The following GPM6A variants were observed in gnomAD, a reference collection of about 807,000 sequenced individuals.
GPM6A encodes the protein neuronal membrane glycoprotein M6-a.
In GPM6A, 7 loss-of-function variants were observed where a neutral mutation model predicts 32.1. That is an observed-to-expected ratio of 0.22 (90% CI 0.12 to 0.41). The LOEUF (loss-of-function observed/expected upper bound fraction) is 0.41. Among genes scored for constraint, GPM6A ranks in the 10% least tolerant of loss-of-function variants. GPM6A has a pLI of 1.00. For synonymous variants in GPM6A, 130 were observed against 123.4 expected (o/e 1.05, Z -0.35); for missense variants, 235 against 347.2 (o/e 0.68, Z 2.57).
In GPM6A at chr4:175,633,221, C is replaced by T. The variant is rs953065103; in HGVS notation, c.*1684G>A. The T allele has an allele frequency of 1.3e-5, 2 of 152,336 alleles. No individual in the cohort carries two copies. Among genetic ancestry groups the T allele is most frequent in the African/African-American group, 4.8e-5 (2 of 41,376 alleles). 9.4% of individuals were successfully genotyped at this position (152,336 alleles called of 1,614,324 possible). On this transcript the variant is annotated 3_prime_UTR_variant, in exon 7 of 7. Coordinates refer to ENST00000393658, the MANE Select transcript of GPM6A (RefSeq NM_201591.3). ...CTATAATATAGAATTTAAAGAAGCC[C>T]ATTAATACTTTTGCTGAATATCTGT... is the stretch of plus-strand genomic sequence containing the variant.
At chr4:175,870,176 T>C (rs1240871869) in intron 1 of GPM6A, among the ~76,000 whole-genome samples, 1 of 152,240 alleles carries the variant, frequency 6.6e-6, no homozygotes, top group Non-Finnish European at 1.5e-5. Context: ...CCTTAATTAT[T>C]AGTTTCCTTG....
chr4:175,783,953 G>C (rs187235538), intron 1 of GPM6A, among the ~76,000 whole-genome samples: 8 of 150,480 alleles, frequency 5.3e-5, no homozygotes, highest in Admixed American at 5.2e-4. Flanking sequence ...AGGAAGTGGA[G>C]CTTATCACCT....
At chr4:175,689,811 A>G (rs1744195939) in intron 2 of GPM6A, among the ~76,000 whole-genome samples, 1 of 151,984 alleles carries the variant, frequency 6.6e-6, no homozygotes, top group African/African-American at 2.4e-5. Flanking sequence ...AGATGTTCTC[A>G]GAAGCCGCCA....
At chr4:175,651,774 T>C in intron 4 of GPM6A, 60 bp downstream of exon 4, 4 of 1,256,174 alleles carry the variant, frequency 3.2e-6, no homozygotes, top group Non-Finnish European at 4.5e-6. Flanking sequence ...TAGAGGCAGC[T>C]ATGTAGGTAA....
At chr4:175,658,993 G>A (rs1438005162) in intron 3 of GPM6A, among the ~76,000 whole-genome samples, 1 of 152,138 alleles carries the variant, frequency 6.6e-6, no homozygotes, top group African/African-American at 2.4e-5. Context: ...TTCAGGCAGT[G>A]AGTGTAAGGG....
At chr4:175,831,560 A>T (rs982954013) in intron 1 of GPM6A, among the ~76,000 whole-genome samples, 6 of 152,114 alleles carry the variant, frequency 3.9e-5, no homozygotes, top group African/African-American at 1.4e-4. Flanking sequence ...TTTGCAAAAC[A>T]AATCCGTGCT....
chr4:175,917,462 G>A (rs1210690691), intron 1 of GPM6A, among the ~76,000 whole-genome samples: 1 of 152,242 alleles, frequency 6.6e-6, no homozygotes, highest in Non-Finnish European at 1.5e-5. Flanking sequence ...CGAAGGGCTT[G>A]AGATAGCAAA....
chr4:175,754,228 T>C lies in GPM6A; in HGVS notation c.38-52461A>G, dbSNP rs767181557. Reference sequence around the variant, plus strand: ...TTGGCTAGATGCATGGGTATGTGCCTGGCTGGCTGAATCAACAGTCTCCTT... The same window carrying C: ...TTGGCTAGATGCATGGGTATGTGCCCGGCTGGCTGAATCAACAGTCTCCTT... On this transcript the variant is annotated intron_variant, in intron 1 of 6. Transcript: ENST00000393658. Among the ~76,000 whole-genome samples the C allele has an allele frequency of 3.9e-5, 6 of 152,282 alleles. No individual in the cohort carries two copies. In the South Asian group the frequency reaches 1.2e-3, roughly 32 times the overall value.
At position 175,983,236 on chromosome 4, in the gene GPM6A, C is replaced by T. The variant is rs183169430; in HGVS notation, c.-23+19073G>A. On this transcript the variant is annotated intron_variant, in intron 1 of 7. Coordinates refer to the GPM6A transcript ENST00000280187. ...TCAAGTGGCTGTGATTATTGCATAA[C>T]GTATCAGACAGATACATAGAATGGA... Among the ~76,000 whole-genome samples, 84 of 152,264 alleles carry T rather than the reference C, an allele frequency of 5.5e-4. 1 individual carries two copies. The highest frequency in any genetic ancestry group is 4.6e-3 in the East Asian group (24 of 5,186).
intron 1 of GPM6A, chr4:175,962,187 T>A (rs1740188647): frequency 8.7e-7 from 1 of 1,148,180 alleles, no homozygotes; most frequent in Non-Finnish European, 1.3e-6. Context: ...CCTGCTTTCT[T>A]TGCCCCTGGA....
At chr4:175,639,057 T>C (rs1740979522) in intron 6 of GPM6A, among the ~76,000 whole-genome samples, 1 of 139,752 alleles carries the variant, frequency 7.2e-6, no homozygotes, top group African/African-American at 2.6e-5. Context: ...GTTTATTCTA[T>C]ATAGAGGTCA....
At chr4:175,786,296 GT>G (rs368629281) in intron 1 of GPM6A, among the ~76,000 whole-genome samples, 6,154 of 141,762 alleles carry the variant, frequency 0.043, 242 homozygotes, top group African/African-American at 0.11. Context: ...TTTTTGTTTT[GT>G]TTTTTTTTTT....
At chr4:175,768,786 G>A (rs1310375613) in intron 1 of GPM6A, among the ~76,000 whole-genome samples, 3 of 152,126 alleles carry the variant, frequency 2.0e-5, no homozygotes, top group East Asian at 1.9e-4. Context: ...AATGTGTAGT[G>A]CAAGATTAGA....
chr4:175,754,423 C>A (rs1010947713), intron 1 of GPM6A, among the ~76,000 whole-genome samples: 4 of 152,090 alleles, frequency 2.6e-5, no homozygotes, highest in Non-Finnish European at 5.9e-5. Context: ...AAAAGAACAT[C>A]TAAGGATAAA....
intron 1 of GPM6A, among the ~76,000 whole-genome samples, chr4:175,707,007 C>A (rs1189890325): frequency 6.6e-6 from 1 of 152,276 alleles, no homozygotes; most frequent in South Asian, 2.1e-4. Context: ...ATGAGGTTAC[C>A]CTACATGGTC....
intron 6 of GPM6A, among the ~76,000 whole-genome samples, chr4:175,637,282 T>C (rs71644866): frequency 1.9e-5 from 1 of 51,588 alleles, no homozygotes. Flanking sequence ...TATTATATAT[T>C]ATATAAAATA....
rs117353042 is a variant in GPM6A at position 175,884,824 on chromosome 4, G to T, written c.-22-72575C>A. ...GCTGGGATTACAGGGGTTAGCCACC[G>T]TGCCAGGCCAATTATTTTTATCTCT... is the stretch of plus-strand genomic sequence containing the variant. On this transcript the variant is annotated intron_variant, in intron 1 of 7. Transcript: ENST00000280187. Among the ~76,000 whole-genome samples the T allele has an allele frequency of 1.4e-4, 21 of 152,142 alleles. No individual in the cohort carries two copies. In the East Asian group the frequency reaches 3.7e-3, roughly 27 times the overall value.
At chr4:175,808,704 G>A (rs1734796455) in intron 1 of GPM6A, 1 of 152,220 alleles carries the variant, frequency 6.6e-6, no homozygotes, top group African/African-American at 2.4e-5. Context: ...AAAGTCAGTG[G>A]TTGATATGGA....
chr4:176,001,640 C>G (rs1048478358), intron 1 of GPM6A, among the ~76,000 whole-genome samples: 2 of 152,264 alleles, frequency 1.3e-5, no homozygotes, highest in African/African-American at 4.8e-5. Flanking sequence ...TCCAGTGACC[C>G]GAGCCAGTGT....
Sources: gnomAD v4.1 joint callset for allele counts (sites outside exome capture counted in the v4.1 genomes callset) on GRCh38, gnomAD v4.1.1 for gene constraint, MANE v1.5 for transcripts, NCBI Gene and HGNC (gene_info 2026-07-23, HGNC 2026-07-21) for gene names.